The following SIN3B variants were observed in gnomAD, a reference collection of about 807,000 sequenced individuals.
SIN3B encodes SIN3 transcription regulator family member B.
Under a neutral mutation model 120.2 loss-of-function variants are expected in SIN3B, and 19 were observed. The observed-to-expected ratio is 0.16, with a 90% CI of 0.11 to 0.23. The LOEUF (loss-of-function observed/expected upper bound fraction) is 0.23, where lower values mean the gene tolerates loss of function less well. Ranked by LOEUF, SIN3B falls within the 10% of genes least tolerant of loss-of-function variation. The probability of loss-of-function intolerance (pLI) is 1.00; values close to 1 mark genes in which losing one functional copy is unlikely to be tolerated. For synonymous variants in SIN3B, 654 were observed against 653.2 expected (o/e 1.00, Z -0.02); for missense variants, 1,073 against 1,573.0 (o/e 0.68, Z 5.38).
intron 14 of SIN3B, among the ~76,000 whole-genome samples, chr19:16,874,914 T>G (rs2051568580): frequency 6.6e-6 from 1 of 151,316 alleles, no homozygotes; most frequent in South Asian, 2.1e-4. Context: ...TCTAATCTGG[T>G]CTAGTTTGGT....
In SIN3B at chr19:16,871,213, C is replaced by A; in HGVS notation, c.2423-16C>A. ...CTCTCCAGGAGGCATATGGATGAGG[C>A]GGTGTGTCTCCGCAGGTGAAGTGGA... On this transcript the variant is annotated splice_polypyrimidine_tract_variant and intron_variant, in intron 13 of 18. Transcript: ENST00000248054. 6.2e-7 allele frequency: 1 copy of A among 1,613,970 alleles called. No homozygotes were observed. The highest frequency in any genetic ancestry group is 1.1e-5 in the South Asian group (1 of 91,086).
At chr19:16,874,525 ATCTGG>A (rs1169853820) in intron 14 of SIN3B, among the ~76,000 whole-genome samples, 13 of 105,168 alleles carry the variant, frequency 1.2e-4, no homozygotes, top group Non-Finnish European at 2.1e-4. Context: ...GTCTGCTCTG[ATCTGG>A]TCTGGTCTGG....
intron 1 of SIN3B, 43 bp from the exon 2 acceptor site, chr19:16,829,748 G>C (rs754801659): frequency 6.5e-7 from 1 of 1,536,488 alleles, no homozygotes; most frequent in Admixed American, 1.7e-5. Flanking sequence ...TCGTCCCCTC[G>C]TTCCGCGGCC....
intron 7 of SIN3B, among the ~76,000 whole-genome samples, chr19:16,853,546 CTG>C (rs1028553827): frequency 5.3e-5 from 8 of 152,198 alleles, no homozygotes; most frequent in African/African-American, 1.7e-4. Context: ...CATGCACAGA[CTG>C]TGAATTGCTG....
rs1410110355 is a variant in SIN3B, at chr19:16,829,453, C to T, written c.33C>T (p.Ser11=). 1.9e-5 allele frequency: 23 copies of T among 1,213,954 alleles called. No homozygotes were observed. Among genetic ancestry groups the T allele is most frequent in the Admixed American group, 4.3e-5 (1 of 23,026 alleles). The allele number at this position is 1,213,954 out of a possible 1,614,324, so 75.2% of individuals were successfully genotyped here. A position where few individuals can be genotyped will look rare whatever the true frequency, so the allele number is the denominator to read the frequency against. Reference sequence around the variant, plus strand: ...ACGCTGGCGGTGGCAGCGGTGGCAGCGGTGCCGGCGGCCCCGCGGGCCGGG... The same window carrying T: ...ACGCTGGCGGTGGCAGCGGTGGCAGTGGTGCCGGCGGCCCCGCGGGCCGGG... MAHAGGGSGG[S]GAGGPAGRGL... is the part of the protein sequence containing the mutation. Residue 11 remains serine (S), a synonymous_variant, in exon 1 of 19, where the codon AGC becomes AGT. Coordinates refer to ENST00000248054, the MANE Select transcript of SIN3B (RefSeq NM_001297595.2).
chr19:16,870,024 C>G lies in SIN3B; in HGVS notation c.2371C>G (p.Arg791Gly). Residue 791 changes from arginine (R) to glycine (G), a missense_variant, in exon 13 of 19, where the codon CGC (arginine) becomes GGC (glycine). Physicochemically the swap from Arg to Gly is moderately radical, Grantham distance 125. Transcript: ENST00000248054. ...KEREKLLCEGRREKGSDPAME... is the reference protein window; with the variant it reads ...KEREKLLCEGGREKGSDPAME... Reference sequence around the variant, plus strand: ...GCGGGAGAAGCTGCTGTGTGAGGGCCGCAGGGAGAAGGGCAGCGACCCCGC... The same window carrying G: ...GCGGGAGAAGCTGCTGTGTGAGGGCGGCAGGGAGAAGGGCAGCGACCCCGC... 3.1e-6 allele frequency: 5 copies of G among 1,611,858 alleles called. No homozygotes were observed. The highest frequency in any genetic ancestry group is 4.2e-6 in the Non-Finnish European group (5 of 1,178,890).
intron 5 of SIN3B, among the ~76,000 whole-genome samples, chr19:16,848,288 A>T (rs1048077869): frequency 6.6e-6 from 1 of 152,158 alleles, no homozygotes; most frequent in African/African-American, 2.4e-5. Flanking sequence ...TTCCTGGGTC[A>T]CATGTTAATT....
At position 16,878,832 on chromosome 19, in the gene SIN3B, A is replaced by C; in HGVS notation, c.*105A>C. On this transcript the variant is annotated 3_prime_UTR_variant, in exon 19 of 19. Coordinates refer to ENST00000248054, the MANE Select transcript of SIN3B (RefSeq NM_001297595.2). The stretch of plus-strand genomic sequence containing the variant: ...TTGAACGACGTGAGAGGCATCTCCC[A>C]GCCCCTCTGCTGCCGGACAGCGCAC... 9.8e-7 allele frequency: 1 copy of C among 1,016,930 alleles called. No individual in the cohort carries two copies. The highest frequency in any genetic ancestry group is 1.4e-6 in the Non-Finnish European group (1 of 701,694). 63.0% of individuals were successfully genotyped at this position (1,016,930 alleles called of 1,614,324 possible). A position where few individuals can be genotyped will look rare whatever the true frequency, so the allele number is the denominator to read the frequency against.
intron 5 of SIN3B, among the ~76,000 whole-genome samples, chr19:16,850,693 G>A (rs1388270715): frequency 6.6e-6 from 1 of 152,262 alleles, no homozygotes; most frequent in Non-Finnish European, 1.5e-5. Flanking sequence ...CTCTGCCCAC[G>A]TCCTGCAGAA....
intron 7 of SIN3B, 21 bp from the exon 8 acceptor site, chr19:16,854,122 C>A: frequency 1.3e-6 from 2 of 1,588,164 alleles, no homozygotes; most frequent in South Asian, 1.1e-5. Context: ...TCACAGTGGT[C>A]CCTGACTGCT....
At chr19:16,871,199 G>T in intron 13 of SIN3B, 30 bp from the exon 14 acceptor site, 1 of 1,613,800 alleles carries the variant, frequency 6.2e-7, no homozygotes, top group Non-Finnish European at 8.5e-7. Context: ...TCTCCAGGAG[G>T]CATATGGATG....
chr19:16,858,101 T>C lies in SIN3B; in HGVS notation c.1058+3840T>C, dbSNP rs1031663489. Among the ~76,000 whole-genome samples, 5 of 152,156 alleles carry C rather than the reference T, an allele frequency of 3.3e-5. No homozygotes were observed. The East Asian group carries it at 9.6e-4, about 29-fold the overall frequency. On this transcript the variant is annotated intron_variant, in intron 8 of 18. Transcript: ENST00000248054. ...CATGTTGGTCAGGCTGGTCTCAAAC[T>C]CCTGGCCTCAAGTGATCCGCCTGCC...
Position 16,831,188 on chromosome 19 carries a change from G to A in SIN3B, c.228-306G>A, listed in dbSNP as rs146464454. 3.1e-3 allele frequency among the ~76,000 whole-genome samples: 476 copies of A among 151,876 alleles called. 2 individuals carry two copies. Among genetic ancestry groups the A allele is most frequent in the African/African-American group, 0.011 (449 of 41,400 alleles). ...AGTGATTCTTGTGCCTCTGCCTCCT[G>A]AGTAGCTGGGACTGCAGGCACGCAC... is the stretch of plus-strand genomic sequence containing the variant. On this transcript the variant is annotated intron_variant, in intron 2 of 18. Transcript: ENST00000248054.
At chr19:16,835,177 C>T (rs916644578) in intron 3 of SIN3B, among the ~76,000 whole-genome samples, 4 of 151,684 alleles carry the variant, frequency 2.6e-5, no homozygotes, top group South Asian at 2.1e-4. Flanking sequence ...CTGCCTGCCT[C>T]GGCCTCCCAA....
chr19:16,873,714 G>C (rs1271287938), intron 14 of SIN3B, among the ~76,000 whole-genome samples: 1 of 152,200 alleles, frequency 6.6e-6, no homozygotes, highest in Non-Finnish European at 1.5e-5. Flanking sequence ...GGGCTGTCTG[G>C]CTGGAGCTGT....
At chr19:16,859,077 C>T (rs1002483761) in intron 8 of SIN3B, among the ~76,000 whole-genome samples, 2 of 151,990 alleles carry the variant, frequency 1.3e-5, no homozygotes, top group Admixed American at 6.6e-5. Context: ...CTTGAGTTTT[C>T]GAGGCAGAGG....
chr19:16,876,017 A>G lies in SIN3B; in HGVS notation c.2593-38A>G. The G allele has an allele frequency of 6.6e-7, 1 of 1,526,254 alleles. No individual in the cohort carries two copies. Among genetic ancestry groups the G allele is most frequent in the South Asian group, 1.2e-5 (1 of 80,756 alleles). 94.5% of individuals were successfully genotyped at this position (1,526,254 alleles called of 1,614,324 possible). A position where few individuals can be genotyped will look rare whatever the true frequency, so the allele number is the denominator to read the frequency against. On this transcript the variant is annotated intron_variant, in intron 14 of 18. Coordinates refer to ENST00000248054, the MANE Select transcript of SIN3B (RefSeq NM_001297595.2). This position sits in a 1 kb window ranked among gnomAD's most constrained non-coding sequence, Gnocchi z 7.1. ...TGGGTGAGGTGGGGACTCCCGCAGG[A>G]GGCGGGGTGGCCGCACCACCTGCTT...
At chr19:16,831,725 TC>T (rs1971281491) in intron 3 of SIN3B, 78 bp downstream of exon 3, 1 of 1,274,044 alleles carries the variant, frequency 7.8e-7, no homozygotes, top group African/African-American at 1.5e-5. Context: ...CACGTGTCTC[TC>T]CTGTATCATT....
intron 8 of SIN3B, chr19:16,855,378 C>T (rs59248384): frequency 9.3e-6 from 1 of 107,692 alleles, no homozygotes; most frequent in African/African-American, 3.5e-5. Flanking sequence ...CTTCCCCCCC[C>T]CCCCCCCAGC....
Sources: gnomAD v4.1 joint callset for allele counts (sites outside exome capture counted in the v4.1 genomes callset) on GRCh38, gnomAD v4.1.1 for gene constraint, Gnocchi (gnomAD v3.1) non-coding constraint, MANE v1.5 for transcripts, NCBI Gene and HGNC (gene_info 2026-07-23, HGNC 2026-07-21) for gene names.